Variants in APBA1 observed in about 807,000 individuals in gnomAD.
The protein encoded by APBA1 is amyloid-beta A4 precursor protein-binding family A member 1.
Under a neutral mutation model 86.6 loss-of-function variants are expected in APBA1, and 55 were observed. That is an observed-to-expected ratio of 0.64 (90% confidence interval 0.51 to 0.80). The LOEUF (loss-of-function observed/expected upper bound fraction) is 0.80. APBA1 is among the 30% of genes least tolerant of loss of function. The pLI is 0.00. For synonymous variants in APBA1, 511 were observed against 493.9 expected (o/e 1.03, Z -0.46); for missense variants, 1,090 against 1,183.0 (o/e 0.92, Z 1.15).
At chr9:69,559,624 G>A (rs915783989) in intron 1 of APBA1, among the ~76,000 whole-genome samples, 2 of 151,988 alleles carry the variant, frequency 1.3e-5, no homozygotes, top group African/African-American at 2.4e-5. Context: ...CTGGGTCGAC[G>A]GTTATTTTTT....
Position 69,516,365 on chromosome 9 carries a change from G to A in APBA1, c.846C>T (p.Ser282=), listed in dbSNP as rs1369197121. 11 of 1,601,176 alleles carry A rather than the reference G, an allele frequency of 6.9e-6. No individual in the cohort carries two copies. The East Asian group carries it at 2.5e-4, about 36-fold the overall frequency. ...QIVAEVKQSM[S]SQSLDKAAED... is the part of the protein sequence containing the mutation. ...CGGCTGCCTTGTCGAGGCTCTGCGA[G>A]CTCATGCTCTGCTTCACCTCGGCCA... Residue 282 remains serine, a synonymous_variant, in exon 2 of 13, where the codon AGC becomes AGT. Coordinates refer to ENST00000265381, the MANE Select transcript of APBA1 (RefSeq NM_001163.4). The surrounding 1 kb of genome is among the most constrained non-coding windows in gnomAD (Gnocchi z 7.3).
intron 5 of APBA1, chr9:69,464,662 C>G (rs1335365622): frequency 2.0e-5 from 3 of 152,192 alleles, no homozygotes; most frequent in Non-Finnish European, 4.4e-5. Context: ...GGAATAACAA[C>G]TCTATAGGAC....
At chr9:69,444,174 C>T (rs146143426) in intron 10 of APBA1, among the ~76,000 whole-genome samples, 1,925 of 152,278 alleles carry the variant, frequency 0.013, 36 homozygotes, top group African/African-American at 0.044. Context: ...ATGTACCATG[C>T]GACTTAGCAT....
At chr9:69,461,951 C>T (rs1835198274) in intron 5 of APBA1, 1 of 151,956 alleles carries the variant, frequency 6.6e-6, no homozygotes, top group Non-Finnish European at 1.5e-5. Context: ...ACAACTTAGG[C>T]AAAGCTATAA....
intron 1 of APBA1, among the ~76,000 whole-genome samples, chr9:69,654,955 C>T (rs906545729): frequency 6.6e-6 from 1 of 152,130 alleles, no homozygotes; most frequent in Non-Finnish European, 1.5e-5. Context: ...AGGGTAAAAA[C>T]CGTATGATCA....
chr9:69,506,245 T>G (rs930685803), intron 2 of APBA1, among the ~76,000 whole-genome samples: 43 of 151,632 alleles, frequency 2.8e-4, no homozygotes, highest in African/African-American at 8.5e-4. Context: ...GCGAGGCATT[T>G]CCTCACTTGG....
At chr9:69,565,882 C>T (rs558594422) in intron 1 of APBA1, among the ~76,000 whole-genome samples, 7 of 152,342 alleles carry the variant, frequency 4.6e-5, no homozygotes, top group South Asian at 4.1e-4. Flanking sequence ...AATGGAATCA[C>T]GTCCCTCCTC....
chr9:69,452,820 T>A (rs11138722), intron 8 of APBA1, among the ~76,000 whole-genome samples: 3 of 152,242 alleles, frequency 2.0e-5, no homozygotes, highest in Admixed American at 2.0e-4. Flanking sequence ...AGGAGGAAAC[T>A]TCATGACTTT....
At chr9:69,560,041 G>A (rs969025206) in intron 1 of APBA1, among the ~76,000 whole-genome samples, 1 of 152,128 alleles carries the variant, frequency 6.6e-6, no homozygotes, top group Non-Finnish European at 1.5e-5. Context: ...CCCTTGAGGA[G>A]GTCAGCAATA....
chr9:69,505,327 C>T (rs1361845443), intron 2 of APBA1, among the ~76,000 whole-genome samples: 1 of 152,056 alleles, frequency 6.6e-6, no homozygotes, highest in East Asian at 1.9e-4. Context: ...CGCTTGGAAG[C>T]AACTTCAGGG....
At chr9:69,602,304 G>A (rs2133974454) in intron 1 of APBA1, among the ~76,000 whole-genome samples, 1 of 152,266 alleles carries the variant, frequency 6.6e-6, no homozygotes, top group East Asian at 1.9e-4. Flanking sequence ...GGGCGCGGTT[G>A]CTCAAGCCTG....
At position 69,428,764 on chromosome 9, in the gene APBA1, G is replaced by A. The variant is rs1037466824; in HGVS notation, c.*2563C>T. The stretch of plus-strand genomic sequence containing the variant: ...GTGGCTGCTGAGGTGACCATACCTA[G>A]GCTCACTCCCTTGCCCCAGTGGTAG... On this transcript the variant is annotated 3_prime_UTR_variant, in exon 13 of 13. Coordinates refer to ENST00000265381, the MANE Select transcript of APBA1 (RefSeq NM_001163.4). 1.3e-5 allele frequency: 2 copies of A among 152,168 alleles called. No individual in the cohort carries two copies. The highest frequency in any genetic ancestry group is 4.8e-5 in the African/African-American group (2 of 41,422). 9.4% of individuals were successfully genotyped at this position (152,168 alleles called of 1,614,324 possible).
At chr9:69,567,594 C>T (rs917321486) in intron 1 of APBA1, among the ~76,000 whole-genome samples, 9 of 151,944 alleles carry the variant, frequency 5.9e-5, no homozygotes, top group Non-Finnish European at 1.2e-4. Context: ...CACAACAGGC[C>T]CCGGTGTGTG....
chr9:69,534,964 T>C (rs1166195805), intron 1 of APBA1, among the ~76,000 whole-genome samples: 1 of 152,218 alleles, frequency 6.6e-6, no homozygotes, highest in Non-Finnish European at 1.5e-5. Flanking sequence ...AATTAGTATA[T>C]TGACTTCTTT....
chr9:69,431,943 T>G (rs541960392), intron 12 of APBA1, among the ~76,000 whole-genome samples: 14 of 144,148 alleles, frequency 9.7e-5, no homozygotes, highest in South Asian at 8.4e-4. Flanking sequence ...ACAGCAGTGA[T>G]AAATGAATGA....
chr9:69,625,388 C>A (rs1460131745), intron 1 of APBA1, among the ~76,000 whole-genome samples: 1 of 152,154 alleles, frequency 6.6e-6, no homozygotes, highest in East Asian at 1.9e-4. Context: ...TGAACATTTA[C>A]ATTTTTGCTC....
At chr9:69,670,936 T>C (rs982189826) in intron 1 of APBA1, among the ~76,000 whole-genome samples, 3 of 152,124 alleles carry the variant, frequency 2.0e-5, no homozygotes, top group Non-Finnish European at 4.4e-5. Flanking sequence ...GTATCCTGTT[T>C]CCTGAGGAAA....
intron 1 of APBA1, among the ~76,000 whole-genome samples, chr9:69,551,015 A>G (rs1017292260): frequency 7.9e-5 from 12 of 152,228 alleles, no homozygotes; most frequent in African/African-American, 2.7e-4. Context: ...AAACCTTATC[A>G]GGAGCGTGTT....
At chr9:69,551,617 C>G (rs1457006805) in intron 1 of APBA1, among the ~76,000 whole-genome samples, 1 of 151,720 alleles carries the variant, frequency 6.6e-6, no homozygotes, top group Non-Finnish European at 1.5e-5. Flanking sequence ...ATTTCAGGAC[C>G]AATCTCTTTG....
Sources: allele counts gnomAD v4.1 joint callset (sites outside exome capture counted in the v4.1 genomes callset), GRCh38; gene constraint gnomAD v4.1.1; non-coding constraint Gnocchi (gnomAD v3.1); transcripts MANE v1.5; gene names NCBI Gene and HGNC (gene_info 2026-07-23, HGNC 2026-07-21).